The following PEAK1 variants were observed in gnomAD, a reference collection of about 807,000 sequenced individuals.
The protein encoded by PEAK1 is pseudopodium enriched atypical kinase 1, also known as inactive tyrosine-protein kinase PEAK1.
Under a neutral mutation model 124.7 loss-of-function variants are expected in PEAK1, and 54 were observed. The ratio of observed to expected loss-of-function variants is 0.43; its 90% confidence interval spans 0.35 to 0.54. The LOEUF is 0.54. PEAK1 is among the 20% of genes least tolerant of loss of function. The pLI is 0.01. For synonymous variants in PEAK1, 719 were observed against 760.0 expected, an observed-to-expected ratio of 0.95 and a Z score of 0.89; for missense variants, 2,046 against 2,134.5, an observed-to-expected ratio of 0.96 and a Z score of 0.82.
At chr15:77,388,361 G>A (rs187450388) in intron 1 of PEAK1, among the ~76,000 whole-genome samples, 7 of 152,244 alleles carry the variant, frequency 4.6e-5, no homozygotes, top group Admixed American at 3.3e-4. Context: ...ACATGCTAAC[G>A]TGCAGCTAAT....
intron 6 of PEAK1, among the ~76,000 whole-genome samples, chr15:77,249,617 G>A (rs2060750151): frequency 3.9e-5 from 6 of 152,180 alleles, no homozygotes; most frequent in Admixed American, 3.9e-4. Flanking sequence ...CCTCATGGAT[G>A]TGTTATATGA....
intron 2 of PEAK1, among the ~76,000 whole-genome samples, chr15:77,309,748 A>G (rs142874777): frequency 1.3e-5 from 2 of 152,292 alleles, no homozygotes; most frequent in East Asian, 3.9e-4. Flanking sequence ...TTGTCATTGC[A>G]TATTTTTTAT....
intron 1 of PEAK1, among the ~76,000 whole-genome samples, chr15:77,412,544 C>G (rs2072498249): frequency 1.3e-5 from 2 of 152,144 alleles, no homozygotes; most frequent in Non-Finnish European, 2.9e-5. Context: ...GAGTCACAGA[C>G]AATCAGTATA....
At chr15:77,193,021 A>G (rs1016926317) in intron 6 of PEAK1, among the ~76,000 whole-genome samples, 2 of 152,212 alleles carry the variant, frequency 1.3e-5, no homozygotes, top group Admixed American at 1.3e-4. Flanking sequence ...TTTGGTAACA[A>G]GAGTACCTTT....
At chr15:77,309,954 G>A (rs1172908584) in intron 2 of PEAK1, among the ~76,000 whole-genome samples, 8 of 152,154 alleles carry the variant, frequency 5.3e-5, no homozygotes, top group Admixed American at 4.6e-4. Flanking sequence ...AAACTGTTTA[G>A]GGAGAACATG....
chr15:77,315,612 G>T (rs1433334930), intron 2 of PEAK1, among the ~76,000 whole-genome samples: 1 of 148,982 alleles, frequency 6.7e-6, no homozygotes, highest in Non-Finnish European at 1.5e-5. Flanking sequence ...AAACACGGAT[G>T]AGTAAAAAAA....
chr15:77,379,591 C>T (rs774602575), intron 1 of PEAK1, among the ~76,000 whole-genome samples: 1 of 152,036 alleles, frequency 6.6e-6, no homozygotes, highest in Non-Finnish European at 1.5e-5. Context: ...GGGTTTGCTG[C>T]AAATATTCTA....
chr15:77,178,666 T>C (rs1168920848), intron 7 of PEAK1, 124 bp downstream of exon 7: 2 of 893,892 alleles, frequency 2.2e-6, no homozygotes, highest in Non-Finnish European at 3.3e-6. Context: ...TAAAGATAGA[T>C]GATGGCCACA....
At chr15:77,232,289 T>C (rs2059939352) in intron 6 of PEAK1, among the ~76,000 whole-genome samples, 1 of 151,468 alleles carries the variant, frequency 6.6e-6, no homozygotes, top group Admixed American at 6.6e-5. Context: ...TAAGCCTGCT[T>C]CTGAGCAGAT....
At chr15:77,249,641 C>T (rs1263382606) in intron 6 of PEAK1, among the ~76,000 whole-genome samples, 1 of 152,084 alleles carries the variant, frequency 6.6e-6, no homozygotes, top group African/African-American at 2.4e-5. Context: ...CTGAACTGGG[C>T]TAGGTGGGAG....
intron 9 of PEAK1, among the ~76,000 whole-genome samples, chr15:77,131,321 C>T (rs536715743): frequency 6.6e-6 from 1 of 152,160 alleles, no homozygotes. Flanking sequence ...GGTGAAACCC[C>T]GTGTCTACTA....
At chr15:77,323,815 T>C (rs997638399) in intron 2 of PEAK1, among the ~76,000 whole-genome samples, 2 of 152,110 alleles carry the variant, frequency 1.3e-5, no homozygotes, top group South Asian at 4.1e-4. Flanking sequence ...AAAAAGAGCC[T>C]GCATTGCCAA....
chr15:77,243,226 G>A (rs753621182), intron 6 of PEAK1, among the ~76,000 whole-genome samples: 1 of 152,136 alleles, frequency 6.6e-6, no homozygotes, highest in Admixed American at 6.6e-5. Flanking sequence ...ACTAAAGCAG[G>A]AGCATATTTT....
chr15:77,112,241 C>T lies in PEAK1; in HGVS notation c.*1915G>A, dbSNP rs556337341. On this transcript the variant is annotated 3_prime_UTR_variant, in exon 10 of 10. Transcript: ENST00000682557. ...AATAGAGCCTCACATATTACAATCACTTAAAAAAGTAATAAGAGCACAATA... is the reference window on the plus strand; with the variant it reads ...AATAGAGCCTCACATATTACAATCATTTAAAAAAGTAATAAGAGCACAATA... 6.6e-6 allele frequency: 1 copy of T among 152,318 alleles called. No individual in the cohort carries two copies. Among genetic ancestry groups the T allele is most frequent in the South Asian group, 2.1e-4 (1 of 4,832 alleles). 9.4% of individuals were successfully genotyped at this position (152,318 alleles called of 1,614,324 possible).
chr15:77,184,301 T>A (rs2057427497), intron 6 of PEAK1, among the ~76,000 whole-genome samples: 1 of 152,056 alleles, frequency 6.6e-6, no homozygotes, highest in Non-Finnish European at 1.5e-5. Context: ...ATGGTTAAAA[T>A]AAAATTAAAA....
intron 2 of PEAK1, among the ~76,000 whole-genome samples, chr15:77,356,335 G>A (rs1207221307): frequency 6.6e-6 from 1 of 151,904 alleles, no homozygotes; most frequent in East Asian, 1.9e-4. Context: ...TCATTCAACT[G>A]GCAAAATTTA....
intron 1 of PEAK1, among the ~76,000 whole-genome samples, chr15:77,393,286 G>A (rs572689564): frequency 6.3e-4 from 96 of 152,282 alleles, no homozygotes; most frequent in African/African-American, 2.2e-3. Context: ...AGTGAGACAC[G>A]AGCCAGGGCG....
chr15:77,203,710 CAAAAAAA>C (rs34002668), intron 6 of PEAK1, among the ~76,000 whole-genome samples: 1 of 124,284 alleles, frequency 8.0e-6, no homozygotes, highest in Non-Finnish European at 1.7e-5. Context: ...ACTGGACATC[CAAAAAAA>C]AAAAAAAAAT....
chr15:77,406,537 C>T (rs953330881), intron 1 of PEAK1, among the ~76,000 whole-genome samples: 8 of 151,968 alleles, frequency 5.3e-5, no homozygotes, highest in African/African-American at 1.9e-4. Flanking sequence ...ATAATAGCTG[C>T]AAAAAACAAA....
Sources: allele counts gnomAD v4.1 joint callset (sites outside exome capture counted in the v4.1 genomes callset), GRCh38; gene constraint gnomAD v4.1.1; transcripts MANE v1.5; gene names NCBI Gene and HGNC (gene_info 2026-07-23, HGNC 2026-07-21).